CNTNAP5: variants seen among roughly 807,000 people sequenced by gnomAD.
The protein encoded by CNTNAP5 is contactin associated protein family member 5, also known as contactin-associated protein-like 5.
A neutral mutation model predicts 150.2 loss-of-function variants in CNTNAP5; 72 were observed. The ratio of observed to expected loss-of-function variants is 0.48; its 90% CI spans 0.40 to 0.58. CNTNAP5 has a LOEUF of 0.58. Ranked by LOEUF, CNTNAP5 falls within the 20% of genes least tolerant of loss-of-function variation. The pLI is 0.00. For missense variants in CNTNAP5, 1,636 were observed against 1,626.2 expected (o/e 1.01, Z -0.10); for synonymous variants, 672 against 619.8 (o/e 1.08, Z -1.25).
At chr2:124,911,370 T>A in intron 22 of CNTNAP5, 97 bp from the exon 23 acceptor site, 2 of 813,824 alleles carry the variant, frequency 2.5e-6, no homozygotes, top group Non-Finnish European at 4.2e-6. Context: ...GCACCTGGTG[T>A]AATGCACAGG....
rs558926417 is a variant in CNTNAP5, at chr2:124,282,741, A to G, written c.381+40348A>G. Among the ~76,000 whole-genome samples the G allele has an allele frequency of 9.2e-5, 14 of 152,238 alleles. No individual in the cohort carries two copies. The South Asian group carries it at 2.7e-3, about 29-fold the overall frequency. On this transcript the variant is annotated intron_variant, in intron 3 of 23. Transcript: ENST00000682447. ...ATGAGCCTTCAAAAATGGTTTTCCC[A>G]TTTCACAGGTGAGAAAGCTGGGGCT... is the stretch of plus-strand genomic sequence containing the variant.
At position 124,810,581 on chromosome 2, in the gene CNTNAP5, G is replaced by A. The variant is rs148038960; in HGVS notation, c.3217+12261G>A. 2.6e-3 allele frequency among the ~76,000 whole-genome samples: 401 copies of A among 152,156 alleles called. 6 individuals are homozygous for A. Among genetic ancestry groups the A allele is most frequent in the African/African-American group, 7.9e-3 (326 of 41,522 alleles). ...CAAGGGTGTGAATACCAGGAGGCAG[G>A]GATTATTGGATGCCATCATGAAGAT... On this transcript the variant is annotated intron_variant, in intron 19 of 23. Coordinates refer to ENST00000682447, the MANE Select transcript of CNTNAP5 (RefSeq NM_001367498.1).
intron 3 of CNTNAP5, among the ~76,000 whole-genome samples, chr2:124,354,628 C>T (rs780001): frequency 1 from 151,662 of 152,276 alleles, 75,525 homozygotes; most frequent in Middle Eastern, 1. Flanking sequence ...GAGTAAGCTG[C>T]CAGTCTTGAG....
intron 1 of CNTNAP5, among the ~76,000 whole-genome samples, chr2:124,151,269 G>T (rs776285621): frequency 5.3e-5 from 8 of 152,170 alleles, no homozygotes; most frequent in Non-Finnish European, 1.2e-4. Context: ...ACAATGCCAA[G>T]CCCTGAGAGG....
chr2:124,812,262 T>C lies in CNTNAP5; in HGVS notation c.3217+13942T>C, dbSNP rs966740901. Among the ~76,000 whole-genome samples, 4 of 147,626 alleles carry C rather than the reference T, an allele frequency of 2.7e-5. No individual in the cohort carries two copies. In the East Asian group the frequency reaches 6.0e-4, roughly 22 times the overall value. On this transcript the variant is annotated intron_variant, in intron 19 of 23. Transcript: ENST00000682447. The stretch of plus-strand genomic sequence containing the variant: ...TTTAAATAGTTCATGCTAAGGCTAG[T>C]AAGAAGCTCCTCATTGCCAGATCTG...
chr2:124,053,571 A>G (rs1469828226), intron 1 of CNTNAP5, among the ~76,000 whole-genome samples: 1 of 152,156 alleles, frequency 6.6e-6, no homozygotes, highest in African/African-American at 2.4e-5. Context: ...TGAGTCTCTG[A>G]GTCTCTATTT....
At chr2:124,690,684 T>C (rs1679283362) in intron 13 of CNTNAP5, among the ~76,000 whole-genome samples, 1 of 152,026 alleles carries the variant, frequency 6.6e-6, no homozygotes, top group African/African-American at 2.4e-5. Flanking sequence ...TCTTCACATT[T>C]TCACACTGCT....
chr2:124,908,548 C>T (rs1247126232), intron 22 of CNTNAP5, among the ~76,000 whole-genome samples: 1 of 152,044 alleles, frequency 6.6e-6, no homozygotes. Context: ...ATTTCTATGA[C>T]CTAATGAAGT....
intron 13 of CNTNAP5, among the ~76,000 whole-genome samples, chr2:124,685,141 A>T (rs1452897030): frequency 6.6e-6 from 1 of 152,120 alleles, no homozygotes; most frequent in Non-Finnish European, 1.5e-5. Context: ...TCAAAATGTA[A>T]ATTGCTTGTG....
intron 3 of CNTNAP5, among the ~76,000 whole-genome samples, chr2:124,258,260 C>A (rs1687364060): frequency 6.6e-6 from 1 of 152,050 alleles, no homozygotes; most frequent in East Asian, 1.9e-4. Flanking sequence ...TTGTTCCCAG[C>A]CAACAGTTTT....
chr2:124,411,785 A>G (rs1452890605), intron 3 of CNTNAP5, among the ~76,000 whole-genome samples: 1 of 89,618 alleles, frequency 1.1e-5, no homozygotes, highest in Middle Eastern at 3.7e-3. Context: ...CTGAATGGGC[A>G]AAAACTGGAA....
At chr2:124,881,057 A>G (rs1363651323) in intron 21 of CNTNAP5, among the ~76,000 whole-genome samples, 2 of 152,128 alleles carry the variant, frequency 1.3e-5, no homozygotes, top group African/African-American at 4.8e-5. Flanking sequence ...AGAGGGAGAC[A>G]AGGGAAACAA....
chr2:124,032,734 A>G (rs1681091659), intron 1 of CNTNAP5, among the ~76,000 whole-genome samples: 1 of 152,086 alleles, frequency 6.6e-6, no homozygotes, highest in South Asian at 2.1e-4. Flanking sequence ...TTTTTGACAA[A>G]TGAGAGGGAT....
At chr2:124,611,716 T>A (rs1016048451) in intron 12 of CNTNAP5, among the ~76,000 whole-genome samples, 1 of 152,186 alleles carries the variant, frequency 6.6e-6, no homozygotes, top group African/African-American at 2.4e-5. Context: ...CTGTTCCACT[T>A]TTCCAAAAAA....
intron 1 of CNTNAP5, among the ~76,000 whole-genome samples, chr2:124,072,425 A>T (rs1682329270): frequency 6.6e-6 from 1 of 152,010 alleles, no homozygotes; most frequent in African/African-American, 2.4e-5. Flanking sequence ...AATTATAAAG[A>T]AAGAAATCAA....
intron 11 of CNTNAP5, among the ~76,000 whole-genome samples, chr2:124,591,103 T>C (rs1696669705): frequency 6.6e-6 from 1 of 152,228 alleles, no homozygotes; most frequent in African/African-American, 2.4e-5. Flanking sequence ...TCGTTGTCCT[T>C]TTCATTGAAG....
chr2:124,050,926 T>C (rs1348403337), intron 1 of CNTNAP5, among the ~76,000 whole-genome samples: 4 of 152,130 alleles, frequency 2.6e-5, no homozygotes, highest in African/African-American at 9.7e-5. Context: ...CTGAATGAAA[T>C]AGGCACCAGG....
intron 1 of CNTNAP5, among the ~76,000 whole-genome samples, chr2:124,111,759 G>T (rs1273517714): frequency 1.3e-5 from 2 of 152,172 alleles, no homozygotes; most frequent in African/African-American, 2.4e-5. Flanking sequence ...CCTTCTTCAC[G>T]TTAATCATAC....
At chr2:124,671,857 C>T (rs1231542187) in intron 13 of CNTNAP5, among the ~76,000 whole-genome samples, 1 of 152,084 alleles carries the variant, frequency 6.6e-6, no homozygotes, top group African/African-American at 2.4e-5. Context: ...CCAGGCTGGT[C>T]TCAAATTCCT....
Sources: allele counts gnomAD v4.1 joint callset (sites outside exome capture counted in the v4.1 genomes callset), GRCh38; gene constraint gnomAD v4.1.1; transcripts MANE v1.5; gene names NCBI Gene and HGNC (gene_info 2026-07-23, HGNC 2026-07-21).